Variants in SFPQ observed in about 807,000 individuals in gnomAD.
The protein encoded by SFPQ is splicing factor, proline- and glutamine-rich.
Under a neutral mutation model 72.9 loss-of-function variants are expected in SFPQ, and 11 were observed. That is an observed-to-expected ratio of 0.15 (90% CI 0.09 to 0.25). The LOEUF (loss-of-function observed/expected upper bound fraction) is 0.25, where lower values mean the gene tolerates loss of function less well. SFPQ is among the 10% of genes least tolerant of loss of function. SFPQ has a pLI of 1.00. For missense variants in SFPQ, 847 were observed against 993.3 expected, an observed-to-expected ratio of 0.85 and a Z score of 1.98; for synonymous variants, 506 against 367.3, an observed-to-expected ratio of 1.38 and a Z score of -4.32.
At chr1:35,182,484 A>T (rs1382900960), downstream of SFPQ, 1 of 985,310 alleles carries the variant, frequency 1.0e-6, no homozygotes, top group East Asian at 1.1e-4. Context: ...TCAGTCATAC[A>T]ACCAGTATTT....
At chr1:35,181,496 T>TTA, downstream of SFPQ, 1 of 1,063,758 alleles carries the variant, frequency 9.4e-7, no homozygotes, top group Non-Finnish European at 1.1e-6. Flanking sequence ...GTAGTACTTC[T>TTA]TATGAGTTTA....
At chr1:35,178,376 T>C (rs1308386741), downstream of SFPQ, 8 of 1,064,612 alleles carry the variant, frequency 7.5e-6, no homozygotes, top group African/African-American at 1.3e-4. Context: ...CCTCACCAAA[T>C]GAGTTTTAAC....
In SFPQ at chr1:35,191,144, ACCCAC is replaced by A. The variant is rs1030398451; in HGVS notation, c.1018-154_1018-150del. ...AGCACCCACTAACACCACTTAGTTT[ACCCAC>A]CCCACCCCTCTTTTCTCTTAGGTAG... On this transcript the variant is annotated intron_variant, in intron 2 of 9. Transcript: ENST00000357214. The A allele has an allele frequency of 9.9e-6, 8 of 809,076 alleles. No homozygotes were observed. In the African/African-American group the frequency reaches 1.4e-4, roughly 14 times the overall value. 50.1% of individuals were successfully genotyped at this position (809,076 alleles called of 1,614,324 possible).
chr1:35,180,239 T>C, downstream of SFPQ: 1 of 1,051,360 alleles, frequency 9.5e-7, no homozygotes, highest in Non-Finnish European at 1.1e-6. Flanking sequence ...CTAAAACCAG[T>C]TCAGAGACCA....
At chr1:35,191,578 GAA>G in intron 1 of SFPQ, 49 bp from the exon 2 acceptor site, 1 of 1,422,146 alleles carries the variant, frequency 7.0e-7, no homozygotes, top group African/African-American at 1.4e-5. Flanking sequence ...CTCTGCAAGT[GAA>G]AATCCCCAAG....
intron 7 of SFPQ, among the ~76,000 whole-genome samples, chr1:35,187,518 GT>G (rs1639778855): frequency 6.6e-6 from 1 of 152,152 alleles, no homozygotes; most frequent in African/African-American, 2.4e-5. Flanking sequence ...ATCACCTGAG[GT>G]CAGGAGTTCA....
At position 35,192,750 on chromosome 1, in the gene SFPQ, C is replaced by A. The variant is rs562788087; in HGVS notation, c.300G>T (p.Pro100=). Residue 100 remains proline, a synonymous_variant, in exon 1 of 10, where the codon CCG becomes CCT. Transcript: ENST00000357214. ...HPQPHQQQQP[P]PPPQDSSKPV... is the part of the protein sequence containing the mutation. ...GCTTGGAAGAGTCCTGCGGCGGTGG[C>A]GGCGGCTGCTGCTGCTGATGCGGCT... The A allele has an allele frequency of 6.7e-7, 1 of 1,494,352 alleles. No homozygotes were observed. The highest frequency in any genetic ancestry group is 2.2e-5 in the Admixed American group (1 of 45,952). The allele number at this position is 1,494,352 out of a possible 1,614,324, so 92.6% of individuals were successfully genotyped here.
downstream of SFPQ, chr1:35,181,079 C>T (rs1639448705): frequency 3.8e-6 from 4 of 1,064,796 alleles, no homozygotes; most frequent in Non-Finnish European, 4.6e-6. Flanking sequence ...CCAGAATGCC[C>T]ACGGAATAAA....
downstream of SFPQ, chr1:35,182,703 G>GT (rs1307078971): frequency 1.0e-6 from 1 of 985,398 alleles, no homozygotes; most frequent in South Asian, 4.7e-5. Context: ...ACATTCCATA[G>GT]TAAGAATTCT....
chr1:35,177,981 A>C, downstream of SFPQ: 1 of 1,250,590 alleles, frequency 8.0e-7, no homozygotes, highest in Non-Finnish European at 1.0e-6. Flanking sequence ...TTTCTAAAGG[A>C]AACTTACTTC....
At chr1:35,179,597 T>C (rs1341949303), downstream of SFPQ, 2 of 1,053,552 alleles carry the variant, frequency 1.9e-6, no homozygotes, top group African/African-American at 3.3e-5. Flanking sequence ...TGCACTAAGA[T>C]TCACAATTCA....
At chr1:35,181,956 G>GC (rs1639487116), downstream of SFPQ, 1 of 985,236 alleles carries the variant, frequency 1.0e-6, no homozygotes, top group African/African-American at 1.7e-5. Flanking sequence ...ACAACGTTTA[G>GC]CAACTCTACA....
Position 35,184,391 on chromosome 1 carries a change from AT to A in SFPQ, c.*64del. 2 of 1,574,470 alleles carry A rather than the reference AT, an allele frequency of 1.3e-6. No individual in the cohort carries two copies. The highest frequency in any genetic ancestry group is 1.7e-6 in the Non-Finnish European group (2 of 1,168,330). On this transcript the variant is annotated 3_prime_UTR_variant, in exon 10 of 10. Transcript: ENST00000357214. The stretch of plus-strand genomic sequence containing the variant: ...ATAGCTTTCTTACTAAAATGCAAGA[AT>A]TTAAAAGATTGGTATCTAAACAAAA...
At position 35,176,816 on chromosome 1, in the gene SFPQ, G is replaced by C. The variant is rs187964624; in HGVS notation, c.*106-345C>G. Reference sequence around the variant, plus strand: ...GTGAACCCAGGAGGCGGAGCTTGCGGTGAGCCAAGACTGTGCACCACTGCT... The same window carrying C: ...GTGAACCCAGGAGGCGGAGCTTGCGCTGAGCCAAGACTGTGCACCACTGCT... On this transcript the variant is annotated intron_variant and NMD_transcript_variant, in intron 5 of 5. Coordinates refer to the SFPQ transcript ENST00000460428. Among the ~76,000 whole-genome samples, 269 of 151,502 alleles carry C rather than the reference G, an allele frequency of 1.8e-3. 1 individual carries two copies. Among genetic ancestry groups the C allele is most frequent in the Middle Eastern group, 6.8e-3 (2 of 292 alleles).
At chr1:35,181,671 G>C, downstream of SFPQ, 2 of 1,060,594 alleles carry the variant, frequency 1.9e-6, no homozygotes, top group African/African-American at 1.6e-5. Context: ...TTATGAGAAA[G>C]TGGAGAAGAG....
chr1:35,184,293 T>C lies in SFPQ; in HGVS notation c.*163A>G. On this transcript the variant is annotated 3_prime_UTR_variant, in exon 10 of 10. Coordinates refer to ENST00000357214, the MANE Select transcript of SFPQ (RefSeq NM_005066.3). The stretch of plus-strand genomic sequence containing the variant: ...AAATTCTCCTGTTCCAAACACTGCA[T>C]TACATAATTTTACCTGCCCAAACAG... 7.0e-7 allele frequency: 1 copy of C among 1,427,324 alleles called. No homozygotes were observed. Among genetic ancestry groups the C allele is most frequent in the Non-Finnish European group, 9.1e-7 (1 of 1,099,292 alleles). The allele number at this position is 1,427,324 out of a possible 1,614,324, so 88.4% of individuals were successfully genotyped here.
rs1639807938 is a variant in SFPQ at position 35,187,997 on chromosome 1, G to A, written c.1791C>T (p.Tyr597=). The A allele has an allele frequency of 1.2e-6, 2 of 1,613,738 alleles. No homozygotes were observed. Among genetic ancestry groups the A allele is most frequent in the Non-Finnish European group, 1.7e-6 (2 of 1,179,636 alleles). The change falls in exon 7 of 10, where the codon TAC becomes TAT. Residue 597 remains tyrosine (Y), a synonymous_variant. Transcript: ENST00000357214. Reference sequence around the variant, plus strand: ...CTGGATCCATGTAGCCCATTCGGCTGTAACTTTCCTCTCTTTGGCGCCTCA... The same window carrying A: ...CTGGATCCATGTAGCCCATTCGGCTATAACTTTCCTCTCTTTGGCGCCTCA... ...EQMRRQREES[Y]SRMGYMDPRE... is the part of the protein sequence containing the mutation.
At chr1:35,180,416 C>T, downstream of SFPQ, 2 of 1,047,576 alleles carry the variant, frequency 1.9e-6, no homozygotes, top group Non-Finnish European at 1.2e-6. Flanking sequence ...ATGCAGTCAT[C>T]CTACAGAAAC....
chr1:35,176,853 G>A lies in SFPQ; in HGVS notation c.*106-382C>T, dbSNP rs560075442. ...TGTGCACCACTGCTCCAGCCTGGGC[G>A]ACAGAGCAAGACTCCGTCTCAAAAA... On this transcript the variant is annotated intron_variant and NMD_transcript_variant, in intron 5 of 5. Transcript: ENST00000460428. Among the ~76,000 whole-genome samples the A allele has an allele frequency of 2.9e-4, 41 of 143,650 alleles. 2 individuals carry two copies. Among genetic ancestry groups the A allele is most frequent in the South Asian group, 1.1e-3 (5 of 4,536 alleles). The allele number at this position is 143,650 out of a possible 152,430, so 94.2% of individuals were successfully genotyped here. A position where few individuals can be genotyped will look rare whatever the true frequency, so the allele number is the denominator to read the frequency against.
Sources: gnomAD v4.1 joint callset for allele counts (sites outside exome capture counted in the v4.1 genomes callset) on GRCh38, gnomAD v4.1.1 for gene constraint, MANE v1.5 for transcripts, NCBI Gene and HGNC (gene_info 2026-07-23, HGNC 2026-07-21) for gene names.